Variants in NUP54 observed in about 807,000 individuals in gnomAD.
NUP54 encodes nucleoporin p54.
In NUP54, 27 loss-of-function variants were observed where a neutral mutation model predicts 66.4. The observed-to-expected ratio is 0.41, with a 90% CI of 0.30 to 0.56. NUP54 has a LOEUF of 0.56. Ranked by LOEUF, NUP54 falls within the 20% of genes least tolerant of loss-of-function variation. The pLI is 0.34. For missense variants in NUP54, 486 were observed against 596.3 expected (o/e 0.82, Z 1.93); for synonymous variants, 206 against 210.7 (o/e 0.98, Z 0.19).
intron 8 of NUP54, among the ~76,000 whole-genome samples, chr4:76,125,345 CACACA>C (rs1187687424): frequency 6.7e-6 from 1 of 149,642 alleles, no homozygotes; most frequent in East Asian, 2.1e-4. Context: ...CACACACACA[CACACA>C]CGGCTGGGCA....
Position 76,134,261 on chromosome 4 carries a change from CTGT to C in NUP54, c.621_623del (p.Gln208del). ...AAACTTTATGCAATGATTCTACCAA[CTGT>C]TGTTGTTGGCTTCGAATCTCTGTTT... On this transcript the variant is annotated inframe_deletion, in exon 5 of 12. Transcript: ENST00000264883. 1.9e-6 allele frequency: 3 copies of C among 1,613,828 alleles called. No homozygotes were observed. Among genetic ancestry groups the C allele is most frequent in the South Asian group, 1.1e-5 (1 of 91,078 alleles).
intron 9 of NUP54, among the ~76,000 whole-genome samples, chr4:76,123,435 T>C (rs1027315801): frequency 2.0e-5 from 3 of 152,190 alleles, no homozygotes; most frequent in African/African-American, 7.2e-5. Context: ...GTAATTTTCA[T>C]TTTCATAGAA....
At chr4:76,139,383 T>A (rs1194520652) in intron 3 of NUP54, among the ~76,000 whole-genome samples, 1 of 151,984 alleles carries the variant, frequency 6.6e-6, no homozygotes, top group African/African-American at 2.4e-5. Flanking sequence ...AAAGCAAACG[T>A]CAAGTCCCTA....
intron 8 of NUP54, among the ~76,000 whole-genome samples, chr4:76,128,273 C>G (rs1730628657): frequency 6.6e-6 from 1 of 151,836 alleles, no homozygotes; most frequent in Non-Finnish European, 1.5e-5. Context: ...GTAGTACTCC[C>G]CAACCAAGAG....
chr4:76,148,075 C>G, intron 1 of NUP54: 1 of 421,616 alleles, frequency 2.4e-6, no homozygotes, highest in Middle Eastern at 6.0e-4. Context: ...AAGCCAGGGC[C>G]CTGTGGAAAC....
In NUP54 at chr4:76,134,348, A is replaced by G; in HGVS notation, c.537T>C (p.Ser179=). 5 of 1,612,832 alleles carry G rather than the reference A, an allele frequency of 3.1e-6. No homozygotes were observed. The highest frequency in any genetic ancestry group is 4.2e-6 in the Non-Finnish European group (5 of 1,179,300). Reference sequence around the variant, plus strand: ...CTTCATCTTTATTACTGGGCATGCAACTATAACCTACTGCCTGTGGAATGA... The same window carrying G: ...CTTCATCTTTATTACTGGGCATGCAGCTATAACCTACTGCCTGTGGAATGA... ...PFCRFKAVGY[S]CMPSNKDEDG... is the part of the protein sequence containing the mutation. Residue 179 remains serine, a synonymous_variant, in exon 5 of 12, where the codon AGT becomes AGC. Transcript: ENST00000264883.
intron 9 of NUP54, among the ~76,000 whole-genome samples, chr4:76,121,555 C>T (rs187109331): frequency 6.6e-6 from 1 of 152,296 alleles, no homozygotes; most frequent in African/African-American, 2.4e-5. Flanking sequence ...GCCTCAAACT[C>T]CTGGGCTCAG....
In NUP54 at chr4:76,117,654, C is replaced by A; in HGVS notation, c.1395+10G>T. ...ACACTTTAAATAATGCAGCCTCATG[C>A]AACACTTACCTGCTTGATTTCTCGT... On this transcript the variant is annotated intron_variant, in intron 11 of 11. Coordinates refer to ENST00000264883, the MANE Select transcript of NUP54 (RefSeq NM_017426.4). 1 of 1,552,556 alleles carries A rather than the reference C, an allele frequency of 6.4e-7. No homozygotes were observed. The highest frequency in any genetic ancestry group is 8.9e-7 in the Non-Finnish European group (1 of 1,125,012).
chr4:76,145,979 C>A, intron 1 of NUP54: 1 of 312,728 alleles, frequency 3.2e-6, no homozygotes, highest in South Asian at 2.8e-5. Context: ...TAAAAGTCAC[C>A]CACAGTACTA....
chr4:76,125,336 A>AAACG (rs1560678366), intron 8 of NUP54, among the ~76,000 whole-genome samples: 1 of 126,996 alleles, frequency 7.9e-6, no homozygotes, highest in Non-Finnish European at 1.8e-5. Context: ...ACACACACAC[A>AAACG]CACACACACA....
rs1185556909 is a variant in NUP54 at position 76,144,140 on chromosome 4, C to G, written c.295+9G>C. ...GTTTTGTATTTGAAGCTGAAAACCT[C>G]ATACTTACTAGTTTGCTGCTGCTGC... is the stretch of plus-strand genomic sequence containing the variant. On this transcript the variant is annotated intron_variant, in intron 3 of 11. Transcript: ENST00000264883. The G allele has an allele frequency of 9.3e-6, 15 of 1,612,920 alleles. No homozygotes were observed. The highest frequency in any genetic ancestry group is 2.2e-5 in the East Asian group (1 of 44,700).
chr4:76,117,788 C>G lies in NUP54; in HGVS notation c.1285-14G>C. The G allele has an allele frequency of 6.3e-7, 1 of 1,596,186 alleles. No individual in the cohort carries two copies. The highest frequency in any genetic ancestry group is 8.6e-7 in the Non-Finnish European group (1 of 1,164,292). Reference sequence around the variant, plus strand: ...ATTTAGTCGGCCCTAAAAGTTAAGACTGAGTCAAATTACAACTGCCGACGA... The same window carrying G: ...ATTTAGTCGGCCCTAAAAGTTAAGAGTGAGTCAAATTACAACTGCCGACGA... On this transcript the variant is annotated splice_polypyrimidine_tract_variant and intron_variant, in intron 10 of 11. Transcript: ENST00000264883.
At chr4:76,143,101 C>A (rs1731333394) in intron 3 of NUP54, among the ~76,000 whole-genome samples, 2 of 151,944 alleles carry the variant, frequency 1.3e-5, no homozygotes, top group African/African-American at 4.8e-5. Context: ...TATTATATGT[C>A]TTCTGATAAA....
At chr4:76,140,910 G>C (rs745424315) in intron 3 of NUP54, among the ~76,000 whole-genome samples, 3 of 152,178 alleles carry the variant, frequency 2.0e-5, no homozygotes, top group Non-Finnish European at 4.4e-5. Flanking sequence ...TATAGAAATG[G>C]AAGGCCATGG....
At chr4:76,118,050 G>C (rs1018652457) in intron 10 of NUP54, 25 bp downstream of exon 10, 5 of 1,606,360 alleles carry the variant, frequency 3.1e-6, no homozygotes, top group Non-Finnish European at 4.2e-6. Context: ...ACAAATTTTA[G>C]AATTATGGTC....
intron 1 of NUP54, among the ~76,000 whole-genome samples, chr4:76,144,983 T>C (rs766098450): frequency 3.9e-4 from 60 of 152,218 alleles, no homozygotes; most frequent in Non-Finnish European, 8.8e-5. Flanking sequence ...TCCCATTTTT[T>C]ACCCCAAGAG....
At chr4:76,145,031 G>A (rs2109913456) in intron 1 of NUP54, among the ~76,000 whole-genome samples, 1 of 152,150 alleles carries the variant, frequency 6.6e-6, no homozygotes, top group African/African-American at 2.4e-5. Flanking sequence ...AAATTTATTG[G>A]TTTTTGGCTG....
At chr4:76,131,916 T>C (rs1730818732) in intron 6 of NUP54, among the ~76,000 whole-genome samples, 1 of 152,116 alleles carries the variant, frequency 6.6e-6, no homozygotes, top group Non-Finnish European at 1.5e-5. Flanking sequence ...CATGGAATAC[T>C]ATGCAATGTT....
intron 5 of NUP54, 110 bp from the exon 6 acceptor site, chr4:76,132,829 TG>T (rs1165802914): frequency 7.3e-6 from 6 of 825,860 alleles, no homozygotes; most frequent in Non-Finnish European, 1.1e-5. Context: ...AATTCAGAAA[TG>T]GTTGTTTTAG....
Sources: gnomAD v4.1 joint callset for allele counts (sites outside exome capture counted in the v4.1 genomes callset) on GRCh38, gnomAD v4.1.1 for gene constraint, MANE v1.5 for transcripts, NCBI Gene and HGNC (gene_info 2026-07-23, HGNC 2026-07-21) for gene names.